Variants in AKAP12 observed in about 807,000 individuals in gnomAD.
The protein encoded by AKAP12 is A-kinase anchoring protein 12.
A neutral mutation model predicts 79.9 loss-of-function variants in AKAP12; 32 were observed. The observed-to-expected ratio is 0.40, with a 90% CI of 0.30 to 0.54. AKAP12 has a LOEUF of 0.54. AKAP12 is among the 20% of genes least tolerant of loss of function. The pLI is 0.48. For missense variants in AKAP12, 2,074 were observed against 2,177.0 expected (o/e 0.95, Z 0.94); for synonymous variants, 808 against 857.0 (o/e 0.94, Z 1.00).
chr6:151,289,680 G>C (rs941288110), intron 2 of AKAP12, among the ~76,000 whole-genome samples: 1 of 152,152 alleles, frequency 6.6e-6, no homozygotes, highest in Admixed American at 6.5e-5. Flanking sequence ...AAAGAAACTA[G>C]AGCTGTTATT....
chr6:151,262,207 G>A (rs1049381738), intron 2 of AKAP12, among the ~76,000 whole-genome samples: 6 of 152,048 alleles, frequency 3.9e-5, no homozygotes, highest in African/African-American at 1.4e-4. Flanking sequence ...CACCCGCCTC[G>A]GCCTCCCAAA....
chr6:151,308,150 C>T (rs1389951933), intron 3 of AKAP12, among the ~76,000 whole-genome samples: 5 of 152,106 alleles, frequency 3.3e-5, no homozygotes, highest in Admixed American at 6.6e-5. Context: ...GGTGGGATTA[C>T]AGGTGTGAGC....
chr6:151,342,994 C>CTTGA (rs1270453149), intron 3 of AKAP12, among the ~76,000 whole-genome samples: 2 of 152,104 alleles, frequency 1.3e-5, no homozygotes, highest in Admixed American at 6.5e-5. Flanking sequence ...AACTCCTGAC[C>CTTGA]TCAAGTAAAC....
intron 2 of AKAP12, among the ~76,000 whole-genome samples, chr6:151,268,170 C>T (rs1187790338): frequency 3.9e-5 from 6 of 152,118 alleles, no homozygotes; most frequent in East Asian, 1.9e-4. Context: ...CCCAGCACTT[C>T]GGGAAGCGAA....
At chr6:151,258,846 T>C (rs1797352246) in intron 2 of AKAP12, among the ~76,000 whole-genome samples, 1 of 151,800 alleles carries the variant, frequency 6.6e-6, no homozygotes, top group Admixed American at 6.6e-5. Flanking sequence ...CAGGCTGGTC[T>C]TGAACTCCTG....
intron 3 of AKAP12, among the ~76,000 whole-genome samples, chr6:151,311,989 C>A (rs751844779): frequency 1.3e-5 from 2 of 152,218 alleles, no homozygotes; most frequent in African/African-American, 4.8e-5. Flanking sequence ...GCTTTCTCTG[C>A]CCAGAAGGAA....
intron 2 of AKAP12, among the ~76,000 whole-genome samples, chr6:151,264,459 T>G (rs895684393): frequency 3.4e-5 from 5 of 148,246 alleles, no homozygotes; most frequent in Non-Finnish European, 7.4e-5. Context: ...TCACCTGAGG[T>G]CAGGAGTTTG....
intron 2 of AKAP12, among the ~76,000 whole-genome samples, chr6:151,261,699 C>A (rs1286246580): frequency 6.6e-6 from 1 of 150,876 alleles, no homozygotes; most frequent in Non-Finnish European, 1.5e-5. Context: ...GACTCCATCT[C>A]AAAAACAAAC....
intron 3 of AKAP12, among the ~76,000 whole-genome samples, chr6:151,347,498 G>A (rs536642058): frequency 1.3e-5 from 2 of 152,158 alleles, no homozygotes; most frequent in Non-Finnish European, 2.9e-5. Context: ...GCACTACCTC[G>A]TTGACTCACT....
At chr6:151,320,479 C>T (rs1368154872) in intron 3 of AKAP12, among the ~76,000 whole-genome samples, 1 of 152,066 alleles carries the variant, frequency 6.6e-6, no homozygotes, top group Non-Finnish European at 1.5e-5. Context: ...TAATCCTCTC[C>T]ACATGTGGCT....
chr6:151,279,852 A>G (rs997746277), intron 2 of AKAP12, among the ~76,000 whole-genome samples: 1 of 152,110 alleles, frequency 6.6e-6, no homozygotes, highest in Non-Finnish European at 1.5e-5. Context: ...GTCTCTTTAA[A>G]AAAGTAAATA....
chr6:151,266,794 C>T (rs949662517), intron 2 of AKAP12, among the ~76,000 whole-genome samples: 15 of 151,998 alleles, frequency 9.9e-5, no homozygotes, highest in African/African-American at 3.6e-4. Flanking sequence ...GAAATTTTAG[C>T]TACTAGGAGA....
At chr6:151,338,641 G>A (rs1371855930) in intron 3 of AKAP12, among the ~76,000 whole-genome samples, 8 of 151,960 alleles carry the variant, frequency 5.3e-5, no homozygotes, top group African/African-American at 1.9e-4. Flanking sequence ...TTTAGAGACT[G>A]GGTTTCACCA....
At chr6:151,301,947 C>T (rs1165786496) in intron 2 of AKAP12, among the ~76,000 whole-genome samples, 2 of 151,880 alleles carry the variant, frequency 1.3e-5, no homozygotes, top group African/African-American at 4.8e-5. Flanking sequence ...CATTTGACCT[C>T]AGTTTTTAAG....
intron 3 of AKAP12, among the ~76,000 whole-genome samples, chr6:151,313,559 C>G (rs12663105): frequency 6.6e-6 from 1 of 152,198 alleles, no homozygotes; most frequent in Non-Finnish European, 1.5e-5. Flanking sequence ...TATTTCACTG[C>G]CTTCATCCTT....
intron 3 of AKAP12, among the ~76,000 whole-genome samples, chr6:151,312,510 G>A (rs1413010311): frequency 2.6e-5 from 4 of 151,370 alleles, no homozygotes; most frequent in Non-Finnish European, 4.4e-5. Flanking sequence ...TCATGAGGAC[G>A]GCCGGGCACG....
intron 2 of AKAP12, among the ~76,000 whole-genome samples, chr6:151,246,540 C>A (rs1476776061): frequency 6.6e-6 from 1 of 152,206 alleles, no homozygotes; most frequent in Non-Finnish European, 1.5e-5. Context: ...GCTTTGCCTT[C>A]ATGGGTATCA....
chr6:151,345,928 T>TGAGA (rs1235285184), intron 3 of AKAP12, among the ~76,000 whole-genome samples: 28 of 110,808 alleles, frequency 2.5e-4, no homozygotes, highest in African/African-American at 8.0e-4. Context: ...TGTGTGTGTG[T>TGAGA]GTGTGAGAGA....
intron 3 of AKAP12, among the ~76,000 whole-genome samples, chr6:151,329,998 G>A (rs1171054723): frequency 6.6e-6 from 1 of 152,212 alleles, no homozygotes; most frequent in East Asian, 1.9e-4. Context: ...CTGCCCAGAT[G>A]TTTAAGGGAT....
Sources: gnomAD v4.1 joint callset for allele counts (sites outside exome capture counted in the v4.1 genomes callset) on GRCh38, gnomAD v4.1.1 for gene constraint, MANE v1.5 for transcripts, NCBI Gene and HGNC (gene_info 2026-07-23, HGNC 2026-07-21) for gene names.